GTF2I: variants seen among roughly 807,000 people sequenced by gnomAD.
GTF2I encodes general transcription factor IIi.
Under a neutral mutation model 67.6 loss-of-function variants are expected in GTF2I, and 12 were observed. That is an observed-to-expected ratio of 0.18 (90% CI 0.11 to 0.29). The LOEUF (loss-of-function observed/expected upper bound fraction) is 0.29, where lower values mean the gene tolerates loss of function less well. Among genes scored for constraint, GTF2I ranks in the 10% least tolerant of loss-of-function variants. GTF2I has a pLI of 1.00. For synonymous variants in GTF2I, 149 were observed against 197.0 expected, an observed-to-expected ratio of 0.76 and a Z score of 2.04; for missense variants, 271 against 580.1, an observed-to-expected ratio of 0.47 and a Z score of 5.47.
At chr7:74,722,366 C>T (rs1254180744) in intron 12 of GTF2I, among the ~76,000 whole-genome samples, 4 of 152,170 alleles carry the variant, frequency 2.6e-5, no homozygotes, top group Non-Finnish European at 5.9e-5. Flanking sequence ...ACCGTGACTA[C>T]ATTTCTGGGT....
chr7:74,731,064 C>G (rs1554406613), intron 14 of GTF2I, among the ~76,000 whole-genome samples: 4 of 150,602 alleles, frequency 2.7e-5, no homozygotes, highest in Non-Finnish European at 5.9e-5. Flanking sequence ...CCTTCTTTGT[C>G]CTTTTACTAT....
chr7:74,696,488 G>T (rs587776106), intron 3 of GTF2I, among the ~76,000 whole-genome samples: 1 of 151,056 alleles, frequency 6.6e-6, no homozygotes, highest in Non-Finnish European at 1.5e-5. Flanking sequence ...CACTACACTC[G>T]GCTAATTTTT....
chr7:74,731,002 C>T (rs1185094301), intron 14 of GTF2I, among the ~76,000 whole-genome samples: 1 of 141,772 alleles, frequency 7.1e-6, no homozygotes, highest in East Asian at 2.1e-4. Flanking sequence ...CCACCCTTCC[C>T]GGCCACTGCT....
At chr7:74,710,973 C>A in intron 8 of GTF2I, 59 bp from the exon 9 acceptor site, 1 of 802,768 alleles carries the variant, frequency 1.2e-6, no homozygotes, top group Non-Finnish European at 2.1e-6. Context: ...GAGGATTTCC[C>A]TACACAATCT....
At chr7:74,674,817 G>T (rs782023392) in intron 1 of GTF2I, among the ~76,000 whole-genome samples, 1 of 151,550 alleles carries the variant, frequency 6.6e-6, no homozygotes, top group Non-Finnish European at 1.5e-5. Context: ...AAAGTGCTGG[G>T]ATGATGGGCA....
chr7:74,680,950 G>A (rs1554393977), intron 1 of GTF2I, among the ~76,000 whole-genome samples: 1 of 152,166 alleles, frequency 6.6e-6, no homozygotes, highest in Non-Finnish European at 1.5e-5. Flanking sequence ...TCAAACAATG[G>A]CTAGAGTCTT....
chr7:74,691,907 G>T lies in GTF2I; in HGVS notation c.238+796G>T, dbSNP rs963679491. Among the ~76,000 whole-genome samples, 92 of 151,820 alleles carry T rather than the reference G, an allele frequency of 6.1e-4. 1 individual carries two copies. Among genetic ancestry groups the T allele is most frequent in the Non-Finnish European group, 5.9e-5 (4 of 67,972 alleles). On this transcript the variant is annotated intron_variant, in intron 3 of 34. Transcript: ENST00000573035. ...TTCTTCTACCTCATCCTCCCGAGTA[G>T]CTGGGATTACAGGTGCCCACCACCA...
At chr7:74,684,320 C>T (rs779726501) in intron 1 of GTF2I, among the ~76,000 whole-genome samples, 4 of 152,204 alleles carry the variant, frequency 2.6e-5, no homozygotes, top group Non-Finnish European at 5.9e-5. Flanking sequence ...ATGGACGAGG[C>T]AACTGAGTAC....
chr7:74,692,326 TC>T (rs782151722), intron 3 of GTF2I, among the ~76,000 whole-genome samples: 2 of 152,176 alleles, frequency 1.3e-5, no homozygotes, highest in Non-Finnish European at 2.9e-5. Flanking sequence ...CACCTCGGCC[TC>T]CCAAAGTGCT....
intron 1 of GTF2I, chr7:74,687,453 C>A: frequency 2.8e-6 from 1 of 356,474 alleles, no homozygotes; most frequent in Non-Finnish European, 3.9e-6. Context: ...GAACTCCTGA[C>A]CTCAAGAGAT....
rs869183139 is a variant in GTF2I, at chr7:74,730,713, C to CTTTTTTTTTTT, written c.1120+436_1120+446dup. ...ATCCCCCTATTGTCTCTACTTTTAT[C>CTTTTTTTTTTT]TTTTTTTTTTTTTTTTTTTTTTTTT... is the stretch of plus-strand genomic sequence containing the variant. On this transcript the variant is annotated intron_variant, in intron 14 of 34. Transcript: ENST00000573035. 4.1e-4 allele frequency among the ~76,000 whole-genome samples: 26 copies of CTTTTTTTTTTT among 63,918 alleles called. 4 individuals carry two copies. Among genetic ancestry groups the CTTTTTTTTTTT allele is most frequent in the South Asian group, 1.4e-3 (2 of 1,384 alleles). 41.9% of individuals were successfully genotyped at this position (63,918 alleles called of 152,430 possible). A position where few individuals can be genotyped will look rare whatever the true frequency, so the allele number is the denominator to read the frequency against.
intron 8 of GTF2I, among the ~76,000 whole-genome samples, chr7:74,706,705 G>T (rs1790751147): frequency 6.6e-6 from 1 of 152,096 alleles, no homozygotes; most frequent in Non-Finnish European, 1.5e-5. Flanking sequence ...GACATATAAT[G>T]TAAGAGGTCA....
chr7:74,697,184 T>G (rs1554398561), intron 3 of GTF2I, among the ~76,000 whole-genome samples: 1 of 151,752 alleles, frequency 6.6e-6, no homozygotes, highest in African/African-American at 2.4e-5. Context: ...GATCACGAGG[T>G]CAGGAGATCG....
intron 7 of GTF2I, among the ~76,000 whole-genome samples, chr7:74,705,760 C>T (rs1554401166): frequency 6.6e-6 from 1 of 152,096 alleles, no homozygotes; most frequent in Non-Finnish European, 1.5e-5. Context: ...GACGGGGTTT[C>T]ACCGTGTTGG....
At chr7:74,672,327 G>C (rs1481286879) in intron 1 of GTF2I, among the ~76,000 whole-genome samples, 1 of 152,014 alleles carries the variant, frequency 6.6e-6, no homozygotes, top group Non-Finnish European at 1.5e-5. Context: ...TATTGCCTGG[G>C]CTCAGGAGTT....
chr7:74,671,227 C>T (rs1377662510), intron 1 of GTF2I, among the ~76,000 whole-genome samples: 1 of 151,482 alleles, frequency 6.6e-6, no homozygotes, highest in Non-Finnish European at 1.5e-5. Flanking sequence ...GCTGAGATTA[C>T]AGGCGTGCAC....
intron 1 of GTF2I, among the ~76,000 whole-genome samples, chr7:74,672,968 C>T (rs1805587081): frequency 6.6e-6 from 1 of 152,122 alleles, no homozygotes; most frequent in Non-Finnish European, 1.5e-5. Flanking sequence ...TCAAGCGATT[C>T]TCCTGCCTCA....
rs1554393663 is a variant in GTF2I at position 74,680,099 on chromosome 7, A to AAT, written c.-5-9008_-5-9007dup. Among the ~76,000 whole-genome samples the AAT allele has an allele frequency of 2.2e-3, 212 of 94,878 alleles. 6 individuals carry two copies. The highest frequency in any genetic ancestry group is 0.016 in the Middle Eastern group (3 of 186). 62.2% of individuals were successfully genotyped at this position (94,878 alleles called of 152,430 possible). A position where few individuals can be genotyped will look rare whatever the true frequency, so the allele number is the denominator to read the frequency against. ...CATCTCAAAAAAAAAAAAAAAAAAA[A>AAT]ATATATATATATATATATGTATGTA... is the stretch of plus-strand genomic sequence containing the variant. On this transcript the variant is annotated intron_variant, in intron 1 of 34. Coordinates refer to ENST00000573035, the MANE Select transcript of GTF2I (RefSeq NM_032999.4).
At chr7:74,680,004 G>A (rs1450786002) in intron 1 of GTF2I, among the ~76,000 whole-genome samples, 3 of 145,942 alleles carry the variant, frequency 2.1e-5, no homozygotes, top group Non-Finnish European at 4.5e-5. Flanking sequence ...GCTTGAACCC[G>A]GGAGGCAGAG....
Sources: allele counts gnomAD v4.1 joint callset (sites outside exome capture counted in the v4.1 genomes callset), GRCh38; gene constraint gnomAD v4.1.1; transcripts MANE v1.5; gene names NCBI Gene and HGNC (gene_info 2026-07-23, HGNC 2026-07-21).